Variants in ADGB observed in about 807,000 individuals in gnomAD.
ADGB encodes calpain-7-like protein.
In ADGB, 172 loss-of-function variants were observed where a neutral mutation model predicts 210.5. The ratio of observed to expected loss-of-function variants is 0.82; its 90% CI spans 0.72 to 0.93. The LOEUF is 0.93. Ranked by LOEUF, ADGB falls within the 40% of genes least tolerant of loss-of-function variation. The probability of loss-of-function intolerance (pLI) is 0.00; values close to 1 mark genes in which losing one functional copy is unlikely to be tolerated. For synonymous variants in ADGB, 658 were observed against 662.7 expected (o/e 0.99, Z 0.11); for missense variants, 2,025 against 1,964.8 (o/e 1.03, Z -0.58).
Position 146,788,512 on chromosome 6 carries a change from G to T in ADGB, c.4439G>T (p.Gly1480Val). 6.4e-7 allele frequency: 1 copy of T among 1,551,636 alleles called. No individual in the cohort carries two copies. Among genetic ancestry groups the T allele is most frequent in the Non-Finnish European group, 8.7e-7 (1 of 1,146,942 alleles). The change falls in exon 33 of 36, where the codon GGC becomes GTC. Residue 1480 changes from glycine (G) to valine (V), a missense_variant. By Grantham distance (109) the Gly-to-Val change is moderately radical. Transcript: ENST00000397944. ...AVWKKWQLTKGLRDVAKSTSS... is the reference protein window; with the variant it reads ...AVWKKWQLTKVLRDVAKSTSS... ...TGGAAGAAGTGGCAATTGACCAAAG[G>T]CTTGAGGGATGTGGCAAAATCCACG...
chr6:146,732,095 T>C (rs1016947328), intron 20 of ADGB, among the ~76,000 whole-genome samples: 18 of 152,320 alleles, frequency 1.2e-4, no homozygotes, highest in African/African-American at 4.3e-4. Context: ...TTATCAATTC[T>C]ATGTATGGTA....
chr6:146,734,400 T>A (rs1007276586), intron 22 of ADGB, among the ~76,000 whole-genome samples: 3 of 152,206 alleles, frequency 2.0e-5, no homozygotes, highest in Non-Finnish European at 4.4e-5. Context: ...CTCAGCTAAG[T>A]CATAGATATT....
intron 10 of ADGB, among the ~76,000 whole-genome samples, chr6:146,686,037 C>T (rs1324608208): frequency 6.6e-6 from 1 of 151,730 alleles, no homozygotes; most frequent in African/African-American, 2.4e-5. Flanking sequence ...ATAGCTCTGG[C>T]TAATTATAAA....
intron 9 of ADGB, among the ~76,000 whole-genome samples, chr6:146,681,831 A>G (rs1776162539): frequency 6.6e-6 from 1 of 152,124 alleles, no homozygotes; most frequent in African/African-American, 2.4e-5. Flanking sequence ...TCCTCTTTAG[A>G]TATTGCCACA....
intron 35 of ADGB, among the ~76,000 whole-genome samples, chr6:146,806,052 T>C (rs1484300934): frequency 6.6e-6 from 1 of 152,222 alleles, no homozygotes; most frequent in Non-Finnish European, 1.5e-5. Flanking sequence ...AATCAATGAA[T>C]GGATATTAAA....
intron 28 of ADGB, among the ~76,000 whole-genome samples, chr6:146,765,293 G>A (rs565447014): frequency 5.9e-4 from 90 of 151,926 alleles, no homozygotes; most frequent in South Asian, 1.2e-3. Flanking sequence ...CCCATGCCTC[G>A]TGGAAACTGA....
At chr6:146,684,435 G>T (rs1776195277) in intron 9 of ADGB, among the ~76,000 whole-genome samples, 2 of 152,018 alleles carry the variant, frequency 1.3e-5, no homozygotes, top group South Asian at 4.1e-4. Context: ...CAATTAGATT[G>T]ATCAGTGAGA....
intron 7 of ADGB, among the ~76,000 whole-genome samples, chr6:146,668,979 T>C (rs1427245271): frequency 6.6e-6 from 1 of 152,018 alleles, no homozygotes; most frequent in East Asian, 1.9e-4. Context: ...ATCCAAGAAG[T>C]TATATGGTCT....
At chr6:146,761,843 G>T (rs1231339333) in intron 27 of ADGB, among the ~76,000 whole-genome samples, 1 of 152,032 alleles carries the variant, frequency 6.6e-6, no homozygotes, top group Non-Finnish European at 1.5e-5. Flanking sequence ...ATATTGTCTA[G>T]GTCATACTGC....
Position 146,667,125 on chromosome 6 carries a change from C to G in ADGB, c.839+223C>G, listed in dbSNP as rs1470005151. Among the ~76,000 whole-genome samples the G allele has an allele frequency of 8.6e-5, 13 of 151,830 alleles. No individual in the cohort carries two copies. In the Admixed American group the frequency reaches 8.6e-4, roughly 10 times the overall value. Reference sequence around the variant, plus strand: ...GACCCCCATAGGTTCTTTGTTGGAACCGACTCCTGTAACAGAAGACACATT... The same window carrying G: ...GACCCCCATAGGTTCTTTGTTGGAAGCGACTCCTGTAACAGAAGACACATT... On this transcript the variant is annotated intron_variant, in intron 7 of 35. Coordinates refer to ENST00000397944, the MANE Select transcript of ADGB (RefSeq NM_024694.4).
chr6:146,693,701 T>C (rs1407521607), intron 12 of ADGB, among the ~76,000 whole-genome samples: 2 of 152,164 alleles, frequency 1.3e-5, no homozygotes, highest in South Asian at 2.1e-4. Context: ...TCCAAATCTA[T>C]TTCTTTTTTC....
chr6:146,781,766 A>G (rs1030677166), intron 29 of ADGB, among the ~76,000 whole-genome samples: 6 of 152,168 alleles, frequency 3.9e-5, no homozygotes, highest in Non-Finnish European at 8.8e-5. Flanking sequence ...TATAGTGGTG[A>G]TGGTTACACA....
intron 33 of ADGB, among the ~76,000 whole-genome samples, chr6:146,795,121 T>A (rs181226948): frequency 3.0e-4 from 45 of 152,174 alleles, no homozygotes; most frequent in African/African-American, 1.1e-3. Flanking sequence ...GCAGGGGAAA[T>A]AAGACTCTAG....
chr6:146,814,950 A>T (rs772772563), intron 35 of ADGB, 82 bp from the exon 36 acceptor site: 25 of 1,356,902 alleles, frequency 1.8e-5, no homozygotes, highest in Non-Finnish European at 2.4e-5. Context: ...AGGACAGGGT[A>T]AAGGAATTTC....
chr6:146,676,465 A>G (rs1408918062), intron 9 of ADGB, 24 bp downstream of exon 9: 6 of 1,332,672 alleles, frequency 4.5e-6, no homozygotes, highest in African/African-American at 1.5e-5. Context: ...TTCTTAGAAT[A>G]ATAACTATTT....
intron 34 of ADGB, 122 bp downstream of exon 34, chr6:146,801,401 C>T (rs1778129803): frequency 1.9e-6 from 1 of 524,482 alleles, no homozygotes; most frequent in African/African-American, 2.0e-5. Context: ...AGATGAGCTA[C>T]AAAAAATTTC....
chr6:146,795,257 T>C (rs1778022897), intron 33 of ADGB, among the ~76,000 whole-genome samples: 1 of 152,042 alleles, frequency 6.6e-6, no homozygotes, highest in Non-Finnish European at 1.5e-5. Context: ...AAAAATTTCA[T>C]GACAAAGACA....
chr6:146,740,321 C>T, intron 23 of ADGB, 138 bp from the exon 24 acceptor site: 1 of 746,624 alleles, frequency 1.3e-6, no homozygotes, highest in Non-Finnish European at 2.1e-6. Flanking sequence ...TACACAGACC[C>T]CCTTTGATCA....
chr6:146,664,472 C>G, intron 6 of ADGB, 132 bp downstream of exon 6: 1 of 929,570 alleles, frequency 1.1e-6, no homozygotes, highest in Non-Finnish European at 1.5e-6. Flanking sequence ...ATGTAATGCT[C>G]TAGTATAAAA....
Sources: gnomAD v4.1 joint callset for allele counts (sites outside exome capture counted in the v4.1 genomes callset) on GRCh38, gnomAD v4.1.1 for gene constraint, MANE v1.5 for transcripts, NCBI Gene and HGNC (gene_info 2026-07-23, HGNC 2026-07-21) for gene names.